PLCXD3: variants seen among roughly 807,000 people sequenced by gnomAD.
PLCXD3 encodes phosphatidylinositol specific phospholipase C X domain containing 3.
PLCXD3 carries 19 observed loss-of-function variants against 25.5 expected under a neutral mutation model. The observed-to-expected ratio is 0.75, with a 90% confidence interval of 0.52 to 1.09. The LOEUF is 1.09. PLCXD3 is among the 50% of genes least tolerant of loss of function. PLCXD3 has a pLI of 0.00. For synonymous variants in PLCXD3, 174 were observed against 137.6 expected, an observed-to-expected ratio of 1.26 and a Z score of -1.85; for missense variants, 411 against 388.1, an observed-to-expected ratio of 1.06 and a Z score of -0.50.
chr5:41,360,884 A>G (rs753729780), intron 2 of PLCXD3, among the ~76,000 whole-genome samples: 4 of 152,190 alleles, frequency 2.6e-5, no homozygotes, highest in Non-Finnish European at 5.9e-5. Context: ...CTGTGGTAAT[A>G]TAAGGAGTTT....
At chr5:41,472,842 C>A (rs981297845) in intron 1 of PLCXD3, among the ~76,000 whole-genome samples, 2 of 152,090 alleles carry the variant, frequency 1.3e-5, no homozygotes, top group Non-Finnish European at 2.9e-5. Flanking sequence ...TAATATAAAT[C>A]TTAAGTTATA....
At chr5:41,359,657 A>C (rs187465540) in intron 2 of PLCXD3, among the ~76,000 whole-genome samples, 38 of 152,268 alleles carry the variant, frequency 2.5e-4, no homozygotes, top group Non-Finnish European at 4.7e-4. Context: ...AATTTCATTT[A>C]TCTTTTCAAA....
chr5:41,509,694 A>G (rs913311300), intron 1 of PLCXD3, among the ~76,000 whole-genome samples: 3 of 152,182 alleles, frequency 2.0e-5, no homozygotes, highest in African/African-American at 7.2e-5. Flanking sequence ...AGCAGTAAAC[A>G]TACGGTCCGC....
At chr5:41,385,108 T>C (rs1451566048) in intron 1 of PLCXD3, among the ~76,000 whole-genome samples, 1 of 152,120 alleles carries the variant, frequency 6.6e-6, no homozygotes, top group East Asian at 1.9e-4. Context: ...CTAGTAAGTT[T>C]TCTATTTGTT....
intron 1 of PLCXD3, among the ~76,000 whole-genome samples, chr5:41,473,108 A>G (rs1193575132): frequency 6.6e-6 from 1 of 152,192 alleles, no homozygotes; most frequent in Non-Finnish European, 1.5e-5. Context: ...TCTGCAAGTA[A>G]AGAAATATTC....
chr5:41,425,280 A>G (rs1234623628), intron 1 of PLCXD3, among the ~76,000 whole-genome samples: 2 of 152,140 alleles, frequency 1.3e-5, no homozygotes, highest in Admixed American at 6.5e-5. Context: ...ATAATATAAA[A>G]GTGAATCTGT....
intron 1 of PLCXD3, among the ~76,000 whole-genome samples, chr5:41,417,203 G>A (rs755324882): frequency 6.6e-6 from 1 of 152,176 alleles, no homozygotes; most frequent in Non-Finnish European, 1.5e-5. Flanking sequence ...ATTGAGGGCT[G>A]CCTAAGGGTC....
intron 1 of PLCXD3, among the ~76,000 whole-genome samples, chr5:41,400,562 T>A (rs1486745549): frequency 6.6e-6 from 1 of 152,064 alleles, no homozygotes; most frequent in African/African-American, 2.4e-5. Context: ...TGGAGATTAT[T>A]ATGTTGCATG....
chr5:41,485,744 A>C (rs1748505152), intron 1 of PLCXD3, among the ~76,000 whole-genome samples: 1 of 152,200 alleles, frequency 6.6e-6, no homozygotes, highest in Non-Finnish European at 1.5e-5. Context: ...GGTATGCATT[A>C]CACATTTTCG....
intron 1 of PLCXD3, among the ~76,000 whole-genome samples, chr5:41,442,234 C>T (rs1260104951): frequency 1.3e-5 from 2 of 152,194 alleles, no homozygotes; most frequent in East Asian, 3.8e-4. Flanking sequence ...ATAAACAACT[C>T]AGAAGGTGTT....
intron 1 of PLCXD3, among the ~76,000 whole-genome samples, chr5:41,399,706 A>G (rs1746120286): frequency 6.6e-6 from 1 of 152,188 alleles, no homozygotes. Context: ...AATTGTATTA[A>G]AGACTTAAAT....
In PLCXD3 at chr5:41,510,497, C is replaced by T; in HGVS notation, c.30G>A (p.Leu10=). The T allele has an allele frequency of 6.2e-7, 1 of 1,613,408 alleles. No homozygotes were observed. The highest frequency in any genetic ancestry group is 1.1e-5 in the South Asian group (1 of 90,982). ...GAGTTGCCATCCAGTCGGCTAATTT[C>T]AGCTCGTTTTTCCCCTGAGACGAGG... MASSQGKNE[L]KLADWMATLP... Residue 10 remains leucine (L), a synonymous_variant, in exon 1 of 3, where the codon CTG becomes CTA. Coordinates refer to ENST00000377801, the MANE Select transcript of PLCXD3 (RefSeq NM_001005473.3).
intron 2 of PLCXD3, among the ~76,000 whole-genome samples, chr5:41,324,528 A>G (rs1364080950): frequency 6.6e-6 from 1 of 152,214 alleles, no homozygotes; most frequent in Non-Finnish European, 1.5e-5. Context: ...CAGCAGGTGG[A>G]GACATTTGGT....
intron 1 of PLCXD3, among the ~76,000 whole-genome samples, chr5:41,433,386 T>C (rs903581607): frequency 6.6e-5 from 10 of 152,030 alleles, no homozygotes; most frequent in African/African-American, 2.2e-4. Flanking sequence ...CTCTTGCCCC[T>C]TTTTTTTCTA....
chr5:41,332,982 A>G (rs1432612896), intron 2 of PLCXD3, among the ~76,000 whole-genome samples: 1 of 152,162 alleles, frequency 6.6e-6, no homozygotes, highest in Non-Finnish European at 1.5e-5. Context: ...TTTAGGAGAT[A>G]TACCTAATGC....
chr5:41,459,861 G>A (rs554163767), intron 1 of PLCXD3, among the ~76,000 whole-genome samples: 5 of 152,030 alleles, frequency 3.3e-5, no homozygotes, highest in African/African-American at 4.8e-5. Context: ...TCAAGCAAGC[G>A]ATAAGGATTT....
chr5:41,474,205 T>A (rs972016643), intron 1 of PLCXD3, among the ~76,000 whole-genome samples: 1 of 152,138 alleles, frequency 6.6e-6, no homozygotes, highest in African/African-American at 2.4e-5. Flanking sequence ...CCCTTTGTAT[T>A]TATTGGGTAG....
rs1390406021 is a variant in PLCXD3, at chr5:41,309,982, G to A, written c.*3635C>T. On this transcript the variant is annotated 3_prime_UTR_variant, in exon 3 of 3. Coordinates refer to ENST00000377801, the MANE Select transcript of PLCXD3 (RefSeq NM_001005473.3). ...AGTGCAGTTTCAACTTGAATAATAA[G>A]TATATGTGTGTGAAATGTGCATTCT... 1 of 152,096 alleles carries A rather than the reference G, an allele frequency of 6.6e-6. No homozygotes were observed. The highest frequency in any genetic ancestry group is 1.5e-5 in the Non-Finnish European group (1 of 67,998). The allele number at this position is 152,096 out of a possible 1,614,324, so 9.4% of individuals were successfully genotyped here.
intron 1 of PLCXD3, among the ~76,000 whole-genome samples, chr5:41,507,292 A>T (rs1397575818): frequency 6.6e-6 from 1 of 152,226 alleles, no homozygotes; most frequent in Non-Finnish European, 1.5e-5. Flanking sequence ...GTATTCAACA[A>T]ATATGCACGA....
Sources: allele counts gnomAD v4.1 joint callset (sites outside exome capture counted in the v4.1 genomes callset), GRCh38; gene constraint gnomAD v4.1.1; transcripts MANE v1.5; gene names NCBI Gene and HGNC (gene_info 2026-07-23, HGNC 2026-07-21).